Variants in CLEC5A observed in about 807,000 individuals in gnomAD.
CLEC5A encodes the protein C-type lectin domain family 5 member A.
Under a neutral mutation model 24.4 loss-of-function variants are expected in CLEC5A, and 15 were observed. The observed-to-expected ratio is 0.62, with a 90% CI of 0.41 to 0.95. The LOEUF is 0.95. CLEC5A is among the 40% of genes least tolerant of loss of function. The probability of loss-of-function intolerance (pLI) is 0.00; values close to 1 mark genes in which losing one functional copy is unlikely to be tolerated. For missense variants in CLEC5A, 211 were observed against 224.0 expected (o/e 0.94, Z 0.37); for synonymous variants, 71 against 72.6 (o/e 0.98, Z 0.11).
chr7:141,932,216 A>G (rs752150230), intron 5 of CLEC5A, among the ~76,000 whole-genome samples: 26 of 152,242 alleles, frequency 1.7e-4, no homozygotes, highest in Non-Finnish European at 3.2e-4. Context: ...TTCTATCCAT[A>G]GGATTGTTTT....
Position 141,933,575 on chromosome 7 carries a change from C to CATATAT in CLEC5A, c.346-1755_346-1750dup, listed in dbSNP as rs3043785. On this transcript the variant is annotated intron_variant, in intron 5 of 6. Transcript: ENST00000546910. ...TGACTCAGCGAGTTTAGGGAGCAGG[C>CATATAT]ATATATATATATATATATATATATA... Among the ~76,000 whole-genome samples the CATATAT allele has an allele frequency of 2.4e-3, 281 of 115,192 alleles. 2 individuals carry two copies. Among genetic ancestry groups the CATATAT allele is most frequent in the African/African-American group, 5.0e-3 (120 of 24,040 alleles). 75.6% of individuals were successfully genotyped at this position (115,192 alleles called of 152,430 possible).
chr7:141,944,618 T>G (rs1166240818), intron 3 of CLEC5A, among the ~76,000 whole-genome samples: 2 of 152,194 alleles, frequency 1.3e-5, no homozygotes, highest in African/African-American at 2.4e-5. Context: ...ACACTGGCTG[T>G]CTGAGCAGGC....
chr7:141,932,904 A>G (rs562181798), intron 5 of CLEC5A, among the ~76,000 whole-genome samples: 1 of 152,222 alleles, frequency 6.6e-6, no homozygotes, highest in Admixed American at 6.5e-5. Context: ...TTTTTAAAAA[A>G]GTTTTCTGAC....
rs375407444 is a variant in CLEC5A, at chr7:141,931,659, C to T, written c.452+61G>A. On this transcript the variant is annotated intron_variant, in intron 6 of 6. Transcript: ENST00000546910. ...GCTATTCCAGGGTGAACCCAGCAAT[C>T]TCAGGTTTGGTCTTTTGAAGCAAAC... 2.6e-4 allele frequency: 230 copies of T among 891,538 alleles called. 2 individuals are homozygous for T. In the African/African-American group the frequency reaches 3.4e-3, roughly 13 times the overall value. 55.2% of individuals were successfully genotyped at this position (891,538 alleles called of 1,614,324 possible).
intron 4 of CLEC5A, among the ~76,000 whole-genome samples, chr7:141,938,761 T>A (rs782077414): frequency 1.3e-5 from 2 of 152,008 alleles, no homozygotes; most frequent in Non-Finnish European, 2.9e-5. Context: ...GCAAATAATA[T>A]ACAGTGGAGC....
Position 141,929,488 on chromosome 7 carries a change from G to A in CLEC5A, c.*616C>T, listed in dbSNP as rs1314659819. Reference sequence around the variant, plus strand: ...GTGTGTTTGGCTCCCTTGGCTGCCTGGTTTTCTTCAAAGGGGTCTCCAAGA... The same window carrying A: ...GTGTGTTTGGCTCCCTTGGCTGCCTAGTTTTCTTCAAAGGGGTCTCCAAGA... On this transcript the variant is annotated 3_prime_UTR_variant, in exon 7 of 7. Transcript: ENST00000546910. The A allele has an allele frequency of 1.3e-5, 2 of 152,234 alleles. No homozygotes were observed. Among genetic ancestry groups the A allele is most frequent in the African/African-American group, 4.8e-5 (2 of 41,422 alleles). The allele number at this position is 152,234 out of a possible 1,614,324, so 9.4% of individuals were successfully genotyped here. A position where few individuals can be genotyped will look rare whatever the true frequency, so the allele number is the denominator to read the frequency against.
At chr7:141,945,656 G>A (rs939422624) in intron 2 of CLEC5A, among the ~76,000 whole-genome samples, 2 of 152,150 alleles carry the variant, frequency 1.3e-5, no homozygotes, top group African/African-American at 2.4e-5. Context: ...GCTAACTACT[G>A]CCTCCCACTC....
intron 4 of CLEC5A, among the ~76,000 whole-genome samples, chr7:141,940,958 G>A (rs1171775463): frequency 1.3e-5 from 2 of 151,928 alleles, no homozygotes; most frequent in Non-Finnish European, 2.9e-5. Flanking sequence ...ATAAAGAAAA[G>A]CCCAGGATCC....
Position 141,930,213 on chromosome 7 carries a change from G to A in CLEC5A, c.458C>T (p.Thr153Ile). 2 of 1,609,360 alleles carry A rather than the reference G, an allele frequency of 1.2e-6. No homozygotes were observed. Among genetic ancestry groups the A allele is most frequent in the Non-Finnish European group, 1.7e-6 (2 of 1,175,908 alleles). The change falls in exon 7 of 7, where the codon ACC becomes ATC. Residue 153 changes from threonine to isoleucine, a missense_variant. Coordinates refer to ENST00000546910, the MANE Select transcript of CLEC5A (RefSeq NM_013252.3). The part of the protein sequence containing the change: ...INNSVFNGNV[T>I]NQNQNFNCAT... ...ACAGTTGAAATTCTGATTCTGATTG[G>A]TAACACTAAATGAGAAAACAAAACA...
intron 4 of CLEC5A, among the ~76,000 whole-genome samples, chr7:141,938,064 C>G (rs1563075618): frequency 6.6e-6 from 1 of 152,066 alleles, no homozygotes; most frequent in African/African-American, 2.4e-5. Flanking sequence ...GGGTATAAAC[C>G]CAGACCATGA....
At chr7:141,946,722 G>C (rs1350182081) in intron 1 of CLEC5A, 85 bp downstream of exon 1, 1 of 158,952 alleles carries the variant, frequency 6.3e-6, no homozygotes, top group African/African-American at 2.4e-5. Context: ...AAATACCAGG[G>C]GTAGGTGACA....
chr7:141,930,728 G>C (rs1802434183), intron 6 of CLEC5A, among the ~76,000 whole-genome samples: 3 of 152,156 alleles, frequency 2.0e-5, no homozygotes, highest in Admixed American at 2.0e-4. Context: ...TGACTGAAAA[G>C]GCTCTGGTTT....
At position 141,933,575 on chromosome 7, in the gene CLEC5A, C is replaced by CAT. The variant is rs3043785; in HGVS notation, c.346-1751_346-1750dup. On this transcript the variant is annotated intron_variant, in intron 5 of 6. Transcript: ENST00000546910. Reference sequence around the variant, plus strand: ...TGACTCAGCGAGTTTAGGGAGCAGGCATATATATATATATATATATATATA... The same window carrying CAT: ...TGACTCAGCGAGTTTAGGGAGCAGGCATATATATATATATATATATATATATA... Among the ~76,000 whole-genome samples, 646 of 115,074 alleles carry CAT rather than the reference C, an allele frequency of 5.6e-3. 3 individuals are homozygous for CAT. The highest frequency in any genetic ancestry group is 0.014 in the Middle Eastern group (3 of 222). The allele number at this position is 115,074 out of a possible 152,430, so 75.5% of individuals were successfully genotyped here. A position where few individuals can be genotyped will look rare whatever the true frequency, so the allele number is the denominator to read the frequency against.
At chr7:141,930,251 CA>C in intron 6 of CLEC5A, 33 bp from the exon 7 acceptor site, 3 of 1,526,302 alleles carry the variant, frequency 2.0e-6, no homozygotes, top group Non-Finnish European at 2.7e-6. Flanking sequence ...ACAAAACAAA[CA>C]AACAAAAAAC....
chr7:141,935,733 C>A, intron 5 of CLEC5A, 81 bp downstream of exon 5: 2 of 1,131,022 alleles, frequency 1.8e-6, no homozygotes, highest in Non-Finnish European at 2.5e-6. Flanking sequence ...CCCATCCCCA[C>A]TCCCCCAAGT....
At chr7:141,942,004 C>G (rs1461859626) in intron 4 of CLEC5A, among the ~76,000 whole-genome samples, 1 of 151,928 alleles carries the variant, frequency 6.6e-6, no homozygotes, top group African/African-American at 2.4e-5. Flanking sequence ...CCACTCTACT[C>G]AAAGCAATCT....
chr7:141,938,471 C>T (rs371289671), intron 4 of CLEC5A, among the ~76,000 whole-genome samples: 12 of 152,196 alleles, frequency 7.9e-5, no homozygotes, highest in African/African-American at 2.9e-4. Flanking sequence ...AACAATGAAG[C>T]ACACTTGTAA....
chr7:141,946,024 C>T (rs149039277), intron 2 of CLEC5A, 190 bp downstream of exon 2: 2 of 599,750 alleles, frequency 3.3e-6, no homozygotes, highest in African/African-American at 3.7e-5. Context: ...CAAGGTAGAC[C>T]AAGGAGCCTG....
rs1229019525 is a variant in CLEC5A, at chr7:141,927,442, G to A, written c.*2662C>T. On this transcript the variant is annotated 3_prime_UTR_variant, in exon 7 of 7. Coordinates refer to ENST00000546910, the MANE Select transcript of CLEC5A (RefSeq NM_013252.3). ...ACACGAAAGGACAATAAAGGGAGAAGGATGAAGGCCAGATGGAGATTGCAT... is the reference window on the plus strand; with the variant it reads ...ACACGAAAGGACAATAAAGGGAGAAAGATGAAGGCCAGATGGAGATTGCAT... 6.6e-6 allele frequency: 1 copy of A among 152,224 alleles called. No individual in the cohort carries two copies. The highest frequency in any genetic ancestry group is 6.5e-5 in the Admixed American group (1 of 15,282). 9.4% of individuals were successfully genotyped at this position (152,224 alleles called of 1,614,324 possible).
Sources: gnomAD v4.1 joint callset for allele counts (sites outside exome capture counted in the v4.1 genomes callset) on GRCh38, gnomAD v4.1.1 for gene constraint, MANE v1.5 for transcripts, NCBI Gene and HGNC (gene_info 2026-07-23, HGNC 2026-07-21) for gene names.